Variants in SSH2 observed in about 807,000 individuals in gnomAD.
The protein encoded by SSH2 is slingshot protein phosphatase 2, also known as protein phosphatase Slingshot homolog 2.
SSH2 carries 37 observed loss-of-function variants against 135.2 expected under a neutral mutation model. That is an observed-to-expected ratio of 0.27 (90% confidence interval 0.21 to 0.36). The LOEUF (loss-of-function observed/expected upper bound fraction) is 0.36. Ranked by LOEUF, SSH2 falls within the 10% of genes least tolerant of loss-of-function variation. SSH2 has a pLI of 1.00. For synonymous variants in SSH2, 628 were observed against 646.2 expected (o/e 0.97, Z 0.43); for missense variants, 1,408 against 1,765.3 (o/e 0.80, Z 3.63).
chr17:29,809,665 C>T (rs2042407199), intron 2 of SSH2, among the ~76,000 whole-genome samples: 1 of 152,040 alleles, frequency 6.6e-6, no homozygotes, highest in South Asian at 2.1e-4. Flanking sequence ...AAGAGATTCC[C>T]CCACCTCAGC....
intron 6 of SSH2, among the ~76,000 whole-genome samples, chr17:29,678,229 G>C (rs1246123924): frequency 6.6e-6 from 1 of 152,026 alleles, no homozygotes; most frequent in Non-Finnish European, 1.5e-5. Context: ...CAGTAGCTGG[G>C]ATTACAGGCG....
intron 3 of SSH2, among the ~76,000 whole-genome samples, chr17:29,746,309 G>T (rs2040758717): frequency 6.6e-6 from 1 of 152,004 alleles, no homozygotes; most frequent in Non-Finnish European, 1.5e-5. Flanking sequence ...ACTTTGGGAG[G>T]CTGAGGTAGG....
At chr17:29,814,475 A>C (rs1434960395) in intron 2 of SSH2, among the ~76,000 whole-genome samples, 7 of 151,632 alleles carry the variant, frequency 4.6e-5, no homozygotes, top group African/African-American at 1.7e-4. Context: ...TTTAAGATAA[A>C]ACAATAATAT....
chr17:29,819,783 C>T (rs2042620759), intron 2 of SSH2, among the ~76,000 whole-genome samples: 1 of 152,118 alleles, frequency 6.6e-6, no homozygotes, highest in African/African-American at 2.4e-5. Context: ...GCACAATCCA[C>T]TGGGAAGTAG....
rs374706184 is a variant in SSH2, at chr17:29,772,918, T to C, written c.188+20976A>G. ...TCCCTGGCTCTGAGGCTTTTGGACT[T>C]GGACTGAGAAACCCTACCAGTATCC... On this transcript the variant is annotated intron_variant, in intron 3 of 15. Coordinates refer to ENST00000540801, the MANE Select transcript of SSH2 (RefSeq NM_001282129.2). 1.3e-4 allele frequency among the ~76,000 whole-genome samples: 20 copies of C among 152,216 alleles called. No individual in the cohort carries two copies. The South Asian group carries it at 2.3e-3, about 17-fold the overall frequency.
intron 1 of SSH2, among the ~76,000 whole-genome samples, chr17:29,873,190 G>T (rs1168178000): frequency 2.6e-5 from 4 of 152,100 alleles, no homozygotes; most frequent in African/African-American, 7.2e-5. Context: ...AAAGCCAAGA[G>T]AAATGGAATT....
chr17:29,909,330 A>T (rs1038185382), intron 1 of SSH2, among the ~76,000 whole-genome samples: 9 of 152,178 alleles, frequency 5.9e-5, no homozygotes, highest in African/African-American at 2.2e-4. Flanking sequence ...TATAGCTATA[A>T]AAATGCCAAA....
intron 1 of SSH2, among the ~76,000 whole-genome samples, chr17:29,898,507 C>T (rs993559338): frequency 1.8e-4 from 28 of 151,954 alleles, no homozygotes; most frequent in East Asian, 9.7e-4. Context: ...AACACCTCTA[C>T]GCAAATAAAC....
At chr17:29,842,799 C>CT (rs1010657236) in intron 2 of SSH2, among the ~76,000 whole-genome samples, 14 of 152,252 alleles carry the variant, frequency 9.2e-5, no homozygotes, top group South Asian at 2.1e-4. Flanking sequence ...ACTAGCAACA[C>CT]TTTTTTTATC....
At chr17:29,709,884 C>T (rs895331381) in intron 3 of SSH2, among the ~76,000 whole-genome samples, 1 of 152,146 alleles carries the variant, frequency 6.6e-6, no homozygotes, top group African/African-American at 2.4e-5. Context: ...AGTGGCATCT[C>T]AGTCTCAAAA....
At chr17:29,761,246 T>C (rs2041288749) in intron 3 of SSH2, 2 of 1,289,482 alleles carry the variant, frequency 1.6e-6, no homozygotes, top group East Asian at 5.6e-5. Flanking sequence ...GAGGGGCGCC[T>C]TCCTCTTGCG....
chr17:29,846,035 G>C (rs1206123882), intron 2 of SSH2, among the ~76,000 whole-genome samples: 2 of 137,256 alleles, frequency 1.5e-5, no homozygotes, highest in Non-Finnish European at 3.1e-5. Flanking sequence ...ACTGCAAACT[G>C]AACAATTTTT....
chr17:29,766,086 T>C (rs2041441632), intron 3 of SSH2, among the ~76,000 whole-genome samples: 1 of 120,440 alleles, frequency 8.3e-6, no homozygotes, highest in Non-Finnish European at 1.9e-5. Flanking sequence ...TCAAATTTAT[T>C]ATTATTATTA....
At chr17:29,852,364 T>C (rs1295477901) in intron 1 of SSH2, among the ~76,000 whole-genome samples, 2 of 151,912 alleles carry the variant, frequency 1.3e-5, no homozygotes, top group Admixed American at 6.6e-5. Flanking sequence ...TATATATTCA[T>C]CAATTGAAAC....
chr17:29,641,896 T>C (rs1022014223), intron 14 of SSH2, among the ~76,000 whole-genome samples: 1 of 150,610 alleles, frequency 6.6e-6, no homozygotes, highest in Non-Finnish European at 1.5e-5. Context: ...TCCTAGAGCC[T>C]AGGAGTTGAG....
At chr17:29,634,344 G>T in intron 15 of SSH2, among the ~76,000 whole-genome samples, 1 of 152,218 alleles carries the variant, frequency 6.6e-6, no homozygotes, top group East Asian at 1.9e-4. Context: ...ATCTGTCACA[G>T]TTTATTTCCC....
At chr17:29,832,212 C>T (rs1006875893) in intron 2 of SSH2, among the ~76,000 whole-genome samples, 3 of 152,136 alleles carry the variant, frequency 2.0e-5, no homozygotes, top group African/African-American at 7.2e-5. Context: ...GGTGCTATCA[C>T]AGCTCATTGC....
At position 29,716,288 on chromosome 17, in the gene SSH2, C is replaced by G. The variant is rs933280969; in HGVS notation, c.189-13226G>C. On this transcript the variant is annotated intron_variant, in intron 3 of 15. Transcript: ENST00000540801. ...ATTTATTTATTTATTACAGTTGAAC[C>G]CAGGTACCTTTCTCTTTGGCTTCTT... is the stretch of plus-strand genomic sequence containing the variant. 7 of 416,764 alleles carry G rather than the reference C, an allele frequency of 1.7e-5. No homozygotes were observed. The East Asian group carries it at 4.0e-4, about 24-fold the overall frequency. The allele number at this position is 416,764 out of a possible 1,614,324, so 25.8% of individuals were successfully genotyped here.
intron 2 of SSH2, among the ~76,000 whole-genome samples, chr17:29,812,717 C>T (rs1014258847): frequency 1.4e-4 from 21 of 151,982 alleles, no homozygotes; most frequent in Admixed American, 1.4e-3. Flanking sequence ...GGTGAAACCC[C>T]GTCTCTACTA....
Sources: allele counts gnomAD v4.1 joint callset (sites outside exome capture counted in the v4.1 genomes callset), GRCh38; gene constraint gnomAD v4.1.1; transcripts MANE v1.5; gene names NCBI Gene and HGNC (gene_info 2026-07-23, HGNC 2026-07-21).